Variants in ASXL2 observed in about 807,000 individuals in gnomAD.
The protein encoded by ASXL2 is putative Polycomb group protein ASXL2.
In ASXL2, 23 loss-of-function variants were observed where a neutral mutation model predicts 122.0. The ratio of observed to expected loss-of-function variants is 0.19; its 90% CI spans 0.14 to 0.27. ASXL2 has a LOEUF of 0.27. Ranked by LOEUF, ASXL2 falls within the 10% of genes least tolerant of loss-of-function variation. The probability of loss-of-function intolerance (pLI) is 1.00; values close to 1 mark genes in which losing one functional copy is unlikely to be tolerated. For missense variants in ASXL2, 1,518 were observed against 1,713.8 expected, an observed-to-expected ratio of 0.89 and a Z score of 2.02; for synonymous variants, 650 against 637.0, an observed-to-expected ratio of 1.02 and a Z score of -0.31.
chr2:25,834,954 C>A (rs2089491633), intron 3 of ASXL2, among the ~76,000 whole-genome samples: 1 of 152,012 alleles, frequency 6.6e-6, no homozygotes, highest in African/African-American at 2.4e-5. Context: ...TCCCGAGTAG[C>A]TGGGATTACG....
intron 1 of ASXL2, among the ~76,000 whole-genome samples, chr2:25,855,882 C>CATTTATTTATTTATTTATTTATTT (rs147256555): frequency 3.4e-4 from 48 of 142,536 alleles, no homozygotes; most frequent in Middle Eastern, 3.6e-3. Flanking sequence ...CTTGATAATG[C>CATTTATTTATTTATTTATTTATTT]ATTTATTTAT....
intron 10 of ASXL2, 76 bp downstream of exon 10, chr2:25,755,942 C>A (rs545163526): frequency 3.3e-6 from 4 of 1,211,490 alleles, no homozygotes; most frequent in Non-Finnish European, 3.7e-6. Context: ...TCCAAAACTG[C>A]GTAATTACCT....
intron 5 of ASXL2, among the ~76,000 whole-genome samples, chr2:25,789,960 G>A (rs921588992): frequency 1.3e-5 from 2 of 152,096 alleles, no homozygotes; most frequent in Non-Finnish European, 2.9e-5. Flanking sequence ...ATGAAGCATC[G>A]TAATAGTTAA....
intron 10 of ASXL2, 97 bp downstream of exon 10, chr2:25,755,921 G>A: frequency 9.9e-7 from 1 of 1,011,800 alleles, no homozygotes; most frequent in Admixed American, 1.7e-5. Context: ...GAAACATCCT[G>A]TCCTTTACCT....
At chr2:25,791,993 C>G (rs934180227) in intron 5 of ASXL2, among the ~76,000 whole-genome samples, 1 of 152,056 alleles carries the variant, frequency 6.6e-6, no homozygotes, top group African/African-American at 2.4e-5. Flanking sequence ...AGTTTCTTTG[C>G]TTGTTTATTC....
In ASXL2 at chr2:25,749,710, C is replaced by A; in HGVS notation, c.1846G>T (p.Val616Leu). Residue 616 changes from valine (V) to leucine (L), a missense_variant, in exon 12 of 13, where the codon GTA becomes TTA. This residue lies in a region of ASXL2 where 292 missense variants were observed against 293.5 expected (regional missense o/e 1.00). Coordinates refer to ENST00000435504, the MANE Select transcript of ASXL2 (RefSeq NM_018263.6). ...NRGDRIQVRKVPPLKIPVSRI... is the reference protein window; with the variant it reads ...NRGDRIQVRKLPPLKIPVSRI... The stretch of plus-strand genomic sequence containing the variant: ...CATTCTCTTACCTTGAGAGGTGGTA[C>A]TTTTCGCACCTGGATTCTGTCCCCT... 1 of 1,521,234 alleles carries A rather than the reference C, an allele frequency of 6.6e-7. No individual in the cohort carries two copies. Among genetic ancestry groups the A allele is most frequent in the Non-Finnish European group, 8.8e-7 (1 of 1,137,796 alleles). The allele number at this position is 1,521,234 out of a possible 1,614,324, so 94.2% of individuals were successfully genotyped here. A position where few individuals can be genotyped will look rare whatever the true frequency, so the allele number is the denominator to read the frequency against.
At chr2:25,790,800 CTTTT>C (rs35046164) in intron 5 of ASXL2, among the ~76,000 whole-genome samples, 1 of 108,854 alleles carries the variant, frequency 9.2e-6, no homozygotes, top group Non-Finnish European at 1.8e-5. Context: ...AGTTTTTTGT[CTTTT>C]TTTTTTTTTT....
intron 5 of ASXL2, among the ~76,000 whole-genome samples, chr2:25,796,215 C>A (rs1574421029): frequency 6.6e-6 from 1 of 152,282 alleles, no homozygotes; most frequent in South Asian, 2.1e-4. Flanking sequence ...GGCATAGTAA[C>A]CATTCTGAAG....
At chr2:25,864,641 G>A (rs1372356218) in intron 1 of ASXL2, among the ~76,000 whole-genome samples, 1 of 151,810 alleles carries the variant, frequency 6.6e-6, no homozygotes, top group Non-Finnish European at 1.5e-5. Context: ...TCAAGTCAAA[G>A]TAGTATATCT....
chr2:25,857,062 T>C (rs1306878375), intron 1 of ASXL2: 1 of 113,080 alleles, frequency 8.8e-6, no homozygotes, highest in East Asian at 3.0e-4. Context: ...CATCATTGTG[T>C]TATTGGCTGT....
At chr2:25,804,193 C>G (rs1480236850) in intron 4 of ASXL2, among the ~76,000 whole-genome samples, 3 of 152,210 alleles carry the variant, frequency 2.0e-5, no homozygotes, top group Non-Finnish European at 4.4e-5. Context: ...AGGCTCTACA[C>G]AACCATTGGG....
At chr2:25,768,379 T>C (rs930710774) in intron 7 of ASXL2, among the ~76,000 whole-genome samples, 4 of 152,144 alleles carry the variant, frequency 2.6e-5, no homozygotes, top group Non-Finnish European at 4.4e-5. Flanking sequence ...TCAGGGCTAA[T>C]GGCAGTCTTG....
chr2:25,810,522 A>G (rs1414032960), intron 3 of ASXL2: 9 of 743,354 alleles, frequency 1.2e-5, no homozygotes, highest in Admixed American at 9.4e-5. Context: ...CCTCAGCCTC[A>G]GCCTGTTCCC....
intron 2 of ASXL2, among the ~76,000 whole-genome samples, chr2:25,843,496 G>T (rs1033859989): frequency 6.6e-5 from 10 of 152,054 alleles, no homozygotes; most frequent in African/African-American, 2.2e-4. Context: ...TTTCAGGGAT[G>T]TGTTATATAA....
At chr2:25,821,622 T>A (rs1339560762) in intron 3 of ASXL2, among the ~76,000 whole-genome samples, 1 of 152,168 alleles carries the variant, frequency 6.6e-6, no homozygotes, top group Admixed American at 6.5e-5. Context: ...CCTGGCCTGT[T>A]CCCATATTTT....
At chr2:25,810,281 C>T in intron 3 of ASXL2, 1 of 636,228 alleles carries the variant, frequency 1.6e-6, no homozygotes, top group Non-Finnish European at 3.0e-6. Context: ...ACTTACGAGC[C>T]ACCTCTTCAT....
At chr2:25,786,479 T>TA (rs1485689410) in intron 5 of ASXL2, among the ~76,000 whole-genome samples, 1 of 152,094 alleles carries the variant, frequency 6.6e-6, no homozygotes, top group Non-Finnish European at 1.5e-5. Context: ...GACCTTGTGA[T>TA]ACGCCTGTCT....
At chr2:25,857,650 G>A (rs2089797022) in intron 1 of ASXL2, among the ~76,000 whole-genome samples, 1 of 152,102 alleles carries the variant, frequency 6.6e-6, no homozygotes, top group African/African-American at 2.4e-5. Flanking sequence ...TTGGTCAAAT[G>A]TCAACTTCTC....
intron 1 of ASXL2, among the ~76,000 whole-genome samples, chr2:25,853,845 A>G (rs1270977487): frequency 6.6e-6 from 1 of 151,890 alleles, no homozygotes; most frequent in African/African-American, 2.4e-5. Context: ...ATTATATGAC[A>G]GATCTAAAAC....
Sources: gnomAD v4.1 joint callset for allele counts (sites outside exome capture counted in the v4.1 genomes callset) on GRCh38, gnomAD v4.1.1 for gene constraint, gnomAD v4.1.1 regional missense constraint, MANE v1.5 for transcripts, NCBI Gene and HGNC (gene_info 2026-07-23, HGNC 2026-07-21) for gene names.